The following ITFG2 variants were observed in gnomAD, a reference collection of about 807,000 sequenced individuals.
ITFG2 encodes integrin alpha FG-GAP repeat containing 2, also known as KICSTOR complex protein ITFG2.
In ITFG2, 36 loss-of-function variants were observed where a neutral mutation model predicts 54.4. The ratio of observed to expected loss-of-function variants is 0.66; its 90% confidence interval spans 0.51 to 0.87. The LOEUF (loss-of-function observed/expected upper bound fraction) is 0.87. ITFG2 is among the 40% of genes least tolerant of loss of function. The probability of loss-of-function intolerance (pLI) is 0.00; values close to 1 mark genes in which losing one functional copy is unlikely to be tolerated. For missense variants in ITFG2, 524 were observed against 576.7 expected (o/e 0.91, Z 0.94); for synonymous variants, 211 against 225.4 (o/e 0.94, Z 0.57).
chr12:2,834,243 C>G (rs78560096), upstream of ITFG2, among the ~76,000 whole-genome samples: 1 of 152,168 alleles, frequency 6.6e-6, no homozygotes, highest in Non-Finnish European at 1.5e-5. Flanking sequence ...CAGACCTGGT[C>G]TGGGGAACCT....
chr12:2,857,964 TC>T (rs2098094041), intron 2 of ITFG2: 1 of 152,548 alleles, frequency 6.6e-6, no homozygotes, highest in Admixed American at 6.6e-5. Flanking sequence ...CAAATTCAAC[TC>T]CTGACCCAAT....
upstream of ITFG2, among the ~76,000 whole-genome samples, chr12:2,834,069 A>G (rs1466497245): frequency 6.6e-6 from 1 of 152,176 alleles, no homozygotes; most frequent in Non-Finnish European, 1.5e-5. Flanking sequence ...CAGACATGGG[A>G]TGGGAGGAGA....
intron 2 of ITFG2, chr12:2,817,690 G>A: frequency 3.8e-6 from 2 of 522,818 alleles, no homozygotes; most frequent in Non-Finnish European, 3.4e-6. Flanking sequence ...TTTAAGTGCA[G>A]GTTGTCTTAA....
At chr12:2,820,417 G>A (rs150963406) in intron 5 of ITFG2, among the ~76,000 whole-genome samples, 192 bp downstream of exon 5, 1 of 152,232 alleles carries the variant, frequency 6.6e-6, no homozygotes, top group African/African-American at 2.4e-5. Context: ...CAAAGAGAAG[G>A]GCATGTTGGG....
At position 2,824,236 on chromosome 12, in the gene ITFG2, C is replaced by T; in HGVS notation, c.*43C>T. 1.9e-6 allele frequency: 3 copies of T among 1,566,832 alleles called. No homozygotes were observed. The highest frequency in any genetic ancestry group is 2.6e-6 in the Non-Finnish European group (3 of 1,137,196). ...CTGGTGAAGGATTCTTCTGAACCCC[C>T]ACCCTACCCCCTAAAGGTATCTGTG... On this transcript the variant is annotated 3_prime_UTR_variant, in exon 12 of 12. Transcript: ENST00000228799.
chr12:2,859,257 G>C (rs757092453), intron 3 of ITFG2: 1 of 1,613,564 alleles, frequency 6.2e-7, no homozygotes, highest in Non-Finnish European at 8.5e-7. Flanking sequence ...GAGCAGCTCC[G>C]GCTCATCCAC....
intron 2 of ITFG2, among the ~76,000 whole-genome samples, chr12:2,847,280 C>A (rs7135398): frequency 0.23 from 34,714 of 152,130 alleles, 5,308 homozygotes; most frequent in African/African-American, 0.43. Flanking sequence ...GAGGTGGTCC[C>A]TTCCCAATGT....
intron 2 of ITFG2, among the ~76,000 whole-genome samples, chr12:2,846,913 A>G (rs1011750693): frequency 2.6e-5 from 4 of 152,148 alleles, no homozygotes; most frequent in Admixed American, 1.3e-4. Flanking sequence ...TTCACATAAC[A>G]CAAAATTTAC....
rs747276941 is a variant in ITFG2 at position 2,821,656 on chromosome 12, A to T, written c.848-36A>T. The T allele has an allele frequency of 7.4e-6, 12 of 1,613,366 alleles. No homozygotes were observed. The African/African-American group carries it at 1.6e-4, about 22-fold the overall frequency. On this transcript the variant is annotated intron_variant, in intron 8 of 11. Transcript: ENST00000228799. Reference sequence around the variant, plus strand: ...TGCCTGTAGGGTCTGCTCGGGGCCTATCCCACCCACACTCAGCCTGCCTCT... The same window carrying T: ...TGCCTGTAGGGTCTGCTCGGGGCCTTTCCCACCCACACTCAGCCTGCCTCT...
At chr12:2,858,635 G>C in intron 3 of ITFG2, 1 of 1,612,576 alleles carries the variant, frequency 6.2e-7, no homozygotes, top group Non-Finnish European at 8.5e-7. Flanking sequence ...CAAGGGCAGG[G>C]CTCTACTGTA....
In ITFG2 at chr12:2,821,527, C is replaced by T. The variant is rs372359138; in HGVS notation, c.794-16C>T. The T allele has an allele frequency of 8.1e-6, 13 of 1,613,856 alleles. No individual in the cohort carries two copies. In the African/African-American group the frequency reaches 1.6e-4, roughly 20 times the overall value. On this transcript the variant is annotated splice_polypyrimidine_tract_variant and intron_variant, in intron 7 of 11. Coordinates refer to ENST00000228799, the MANE Select transcript of ITFG2 (RefSeq NM_018463.4). ...CTTGCCCTGCCCTTTACATATTCTT[C>T]CTCTGGTCCTCACAGGCCACGGCAC...
chr12:2,859,773 A>G (rs1209869274), exon 4 of ITFG2: 4 of 775,714 alleles, frequency 5.2e-6, no homozygotes, highest in African/African-American at 1.8e-5. Context: ...CTTAAAATCT[A>G]TTAAATATGA....
chr12:2,854,896 T>A, intron 2 of ITFG2: 1 of 1,531,544 alleles, frequency 6.5e-7, no homozygotes, highest in Non-Finnish European at 8.7e-7. Flanking sequence ...ACCGTCTTAC[T>A]TCTTGAAGCT....
upstream of ITFG2, among the ~76,000 whole-genome samples, chr12:2,832,020 G>A (rs1433426858): frequency 6.6e-6 from 1 of 152,002 alleles, no homozygotes; most frequent in South Asian, 2.1e-4. Flanking sequence ...ACATCTGCTT[G>A]GAGCTTCAGC....
chr12:2,821,911 C>T, intron 9 of ITFG2, 119 bp downstream of exon 9: 1 of 684,642 alleles, frequency 1.5e-6, no homozygotes, highest in Non-Finnish European at 2.4e-6. Context: ...TCTTTAGTCT[C>T]TGTCTCTTTT....
In ITFG2 at chr12:2,849,149, G is replaced by A. The variant is rs1452608806; in HGVS notation, n.300+8154G>A. 2.9e-6 allele frequency: 4 copies of A among 1,398,304 alleles called. No individual in the cohort carries two copies. In the South Asian group the frequency reaches 4.4e-5, roughly 15 times the overall value. The allele number at this position is 1,398,304 out of a possible 1,614,324, so 86.6% of individuals were successfully genotyped here. A position where few individuals can be genotyped will look rare whatever the true frequency, so the allele number is the denominator to read the frequency against. On this transcript the variant is annotated intron_variant and non_coding_transcript_variant, in intron 2 of 3. Coordinates refer to the ITFG2 transcript ENST00000537710. The stretch of plus-strand genomic sequence containing the variant: ...AGCCAGAGTCCTTTTGCTACCCCAG[G>A]GCCTCTTGCTGAAGGAGCATTGATT...
intron 10 of ITFG2, 44 bp from the exon 11 acceptor site, chr12:2,823,726 C>T: frequency 6.6e-7 from 1 of 1,509,910 alleles, no homozygotes; most frequent in South Asian, 1.4e-5. Context: ...CCACTGTCGG[C>T]ACTGAAACTT....
chr12:2,858,658 A>G (rs777218935), intron 3 of ITFG2: 10 of 1,614,046 alleles, frequency 6.2e-6, no homozygotes, highest in Non-Finnish European at 6.8e-6. Flanking sequence ...TCAGGAATAA[A>G]CTGGGACCAG....
intron 5 of ITFG2, among the ~76,000 whole-genome samples, chr12:2,820,478 T>C (rs978499456): frequency 6.6e-6 from 1 of 152,066 alleles, no homozygotes; most frequent in African/African-American, 2.4e-5. Flanking sequence ...CATCAGGACC[T>C]AGACCCCAGC....
Sources: allele counts gnomAD v4.1 joint callset (sites outside exome capture counted in the v4.1 genomes callset), GRCh38; gene constraint gnomAD v4.1.1; transcripts MANE v1.5; gene names NCBI Gene and HGNC (gene_info 2026-07-23, HGNC 2026-07-21).